Variants in DYNC2LI1 observed in about 807,000 individuals in gnomAD.
The protein encoded by DYNC2LI1 is cytoplasmic dynein 2 light intermediate chain 1.
A neutral mutation model predicts 51.9 loss-of-function variants in DYNC2LI1; 45 were observed. The observed-to-expected ratio is 0.87, with a 90% confidence interval of 0.68 to 1.11. The LOEUF is 1.11. Among genes scored for constraint, DYNC2LI1 ranks in the 50% most tolerant of loss-of-function variants. The pLI, the probability that DYNC2LI1 is intolerant of heterozygous loss-of-function variation, is 0.00. For missense variants in DYNC2LI1, 490 were observed against 417.4 expected (o/e 1.17, Z -1.51); for synonymous variants, 130 against 137.8 (o/e 0.94, Z 0.40).
downstream of DYNC2LI1, among the ~76,000 whole-genome samples, chr2:43,811,842 C>T (rs1446722538): frequency 2.0e-5 from 3 of 152,182 alleles, no homozygotes; most frequent in Admixed American, 1.3e-4. Flanking sequence ...GATCCACCCG[C>T]CTCGGCCTCC....
the DYNC2LI1 span, among the ~76,000 whole-genome samples, chr2:43,823,185 A>G: frequency 1.3e-5 from 2 of 152,130 alleles, no homozygotes; most frequent in Non-Finnish European, 2.9e-5. Flanking sequence ...TAAAGTGGGG[A>G]GTTGTCACCA....
Position 43,787,231 on chromosome 2 carries a change from G to A in DYNC2LI1, c.212G>A (p.Arg71Lys), listed in dbSNP as rs1174180552. The stretch of plus-strand genomic sequence containing the variant: ...GCTTTGGAATATACATATGGAAGAA[G>A]AGCAAAAGGGCACAACACAGTAAGT... ...TLALEYTYGRRAKGHNTPKDI... is the reference protein window; with the variant it reads ...TLALEYTYGRKAKGHNTPKDI... Residue 71 changes from arginine (R) to lysine (K), a missense_variant, in exon 4 of 13, where the codon AGA (arginine) becomes AAA (lysine). Coordinates refer to ENST00000260605, the MANE Select transcript of DYNC2LI1 (RefSeq NM_016008.4). 3 of 1,613,198 alleles carry A rather than the reference G, an allele frequency of 1.9e-6. No homozygotes were observed. Among genetic ancestry groups the A allele is most frequent in the Admixed American group, 3.3e-5 (2 of 60,018 alleles).
At chr2:43,814,532 T>G (rs776001498), downstream of DYNC2LI1, 1 of 1,610,054 alleles carries the variant, frequency 6.2e-7, no homozygotes, top group African/African-American at 1.3e-5. Context: ...CACTGCAATA[T>G]TTTTGGAATG....
the DYNC2LI1 span, chr2:43,824,334 A>G: frequency 6.2e-7 from 1 of 1,614,172 alleles, no homozygotes; most frequent in East Asian, 2.2e-5. Context: ...GTTTTATGAC[A>G]AATTGCTGAT....
At chr2:43,802,752 T>A (rs964148743) in intron 10 of DYNC2LI1, among the ~76,000 whole-genome samples, 1 of 152,314 alleles carries the variant, frequency 6.6e-6, no homozygotes. Context: ...CGTGCCATAG[T>A]GTGGGAGAAA....
chr2:43,785,158 G>A (rs1033749306), intron 3 of DYNC2LI1, among the ~76,000 whole-genome samples: 1 of 151,970 alleles, frequency 6.6e-6, no homozygotes, highest in Non-Finnish European at 1.5e-5. Context: ...AATTAGCTGG[G>A]CATGGTGGTG....
intron 8 of DYNC2LI1, among the ~76,000 whole-genome samples, chr2:43,797,840 T>G (rs1558689344): frequency 6.6e-6 from 1 of 152,130 alleles, no homozygotes; most frequent in Non-Finnish European, 1.5e-5. Flanking sequence ...TTTAAAAAAT[T>G]TCCAGCTGGG....
At chr2:43,824,491 G>C in the DYNC2LI1 span, 1 of 1,598,352 alleles carries the variant, frequency 6.3e-7, no homozygotes, top group Non-Finnish European at 8.5e-7. Flanking sequence ...TATGTACATG[G>C]ATATACAATT....
At position 43,789,726 on chromosome 2, in the gene DYNC2LI1, G is replaced by A; in HGVS notation, c.320+5G>A. 1 of 1,612,100 alleles carries A rather than the reference G, an allele frequency of 6.2e-7. No individual in the cohort carries two copies. Among genetic ancestry groups the A allele is most frequent in the Admixed American group, 1.7e-5 (1 of 59,668 alleles). On this transcript the variant is annotated splice_donor_5th_base_variant and intron_variant, in intron 5 of 12. Coordinates refer to ENST00000260605, the MANE Select transcript of DYNC2LI1 (RefSeq NM_016008.4). ...CATCACAGGTGACACCTTACGGTAA[G>A]TGAGCCAGCTCCAGGAAAACCTGTA...
chr2:43,787,276 C>T (rs1436634876), intron 4 of DYNC2LI1, 26 bp downstream of exon 4: 2 of 1,564,252 alleles, frequency 1.3e-6, no homozygotes, highest in East Asian at 2.2e-5. Flanking sequence ...AGTGACATTG[C>T]TATGCCCATA....
the DYNC2LI1 span, among the ~76,000 whole-genome samples, chr2:43,819,020 C>G: frequency 2.0e-5 from 3 of 152,190 alleles, no homozygotes; most frequent in South Asian, 2.1e-4. Context: ...AAAGTCAAGT[C>G]TGAGCTTCAT....
chr2:43,798,854 C>G (rs1360239085), intron 8 of DYNC2LI1, among the ~76,000 whole-genome samples: 1 of 152,060 alleles, frequency 6.6e-6, no homozygotes, highest in Non-Finnish European at 1.5e-5. Context: ...TCTTCTTACC[C>G]TCTGCCCCAT....
At chr2:43,805,328 C>A in intron 12 of DYNC2LI1, 82 bp downstream of exon 12, 1 of 809,842 alleles carries the variant, frequency 1.2e-6, no homozygotes, top group Non-Finnish European at 2.0e-6. Context: ...TTACATTTTT[C>A]TCTATGTATT....
intron 8 of DYNC2LI1, among the ~76,000 whole-genome samples, chr2:43,799,142 A>T (rs975896437): frequency 4.6e-5 from 7 of 152,050 alleles, no homozygotes; most frequent in African/African-American, 7.2e-5. Flanking sequence ...TTGACAAAAA[A>T]TTTTTTTAAT....
intron 6 of DYNC2LI1, among the ~76,000 whole-genome samples, chr2:43,795,444 C>A (rs982624655): frequency 4.0e-5 from 6 of 151,884 alleles, no homozygotes; most frequent in Non-Finnish European, 8.8e-5. Context: ...GTGGAGGTTG[C>A]AGTGAGCCGA....
Position 43,776,766 on chromosome 2 carries a change from TC to T in DYNC2LI1, c.9-15del, listed in dbSNP as rs781542259. ...TTCTTTTTCCCTCAATTTTGTTTTTTCTGCCTCTCATGTAGTGAAACTCTCT... is the reference window on the plus strand; with the variant it reads ...TTCTTTTTCCCTCAATTTTGTTTTTTTGCCTCTCATGTAGTGAAACTCTCT... On this transcript the variant is annotated splice_polypyrimidine_tract_variant and intron_variant, in intron 1 of 12. Coordinates refer to ENST00000260605, the MANE Select transcript of DYNC2LI1 (RefSeq NM_016008.4). The T allele has an allele frequency of 7.3e-7, 1 of 1,371,434 alleles. No homozygotes were observed. Among genetic ancestry groups the T allele is most frequent in the African/African-American group, 1.5e-5 (1 of 67,140 alleles). 85.0% of individuals were successfully genotyped at this position (1,371,434 alleles called of 1,614,324 possible).
chr2:43,822,263 G>C, the DYNC2LI1 span, among the ~76,000 whole-genome samples: 1 of 151,982 alleles, frequency 6.6e-6, no homozygotes, highest in Non-Finnish European at 1.5e-5. Context: ...CTCCCTTTAT[G>C]CTTCACCTCC....
intron 4 of DYNC2LI1, among the ~76,000 whole-genome samples, chr2:43,787,993 AGT>A (rs1165137957): frequency 6.6e-6 from 1 of 152,218 alleles, no homozygotes; most frequent in Non-Finnish European, 1.5e-5. Flanking sequence ...CACCAATGAA[AGT>A]GGGTTATTAA....
chr2:43,792,777 T>G (rs867179000), intron 5 of DYNC2LI1: 2 of 1,542,114 alleles, frequency 1.3e-6, no homozygotes, highest in Middle Eastern at 1.7e-4. Flanking sequence ...TGTTATTTAT[T>G]TCATTTAGCA....
Sources: allele counts gnomAD v4.1 joint callset (sites outside exome capture counted in the v4.1 genomes callset), GRCh38; gene constraint gnomAD v4.1.1; transcripts MANE v1.5; gene names NCBI Gene and HGNC (gene_info 2026-07-23, HGNC 2026-07-21).